BTBD9: variants seen among roughly 807,000 people sequenced by gnomAD.
BTBD9 encodes the protein BTB domain containing 9, also known as BTB/POZ domain-containing protein 9.
BTBD9 carries 49 observed loss-of-function variants against 64.3 expected under a neutral mutation model. The observed-to-expected ratio is 0.76, with a 90% confidence interval of 0.61 to 0.97. BTBD9 has a LOEUF of 0.97. Among genes scored for constraint, BTBD9 ranks in the 50% least tolerant of loss-of-function variants. The probability of loss-of-function intolerance (pLI) is 0.00; values close to 1 mark genes in which losing one functional copy is unlikely to be tolerated. For missense variants in BTBD9, 598 were observed against 762.1 expected, an observed-to-expected ratio of 0.78 and a Z score of 2.53; for synonymous variants, 260 against 274.7, an observed-to-expected ratio of 0.95 and a Z score of 0.53.
At chr6:38,394,493 G>C (rs1268333340) in intron 6 of BTBD9, among the ~76,000 whole-genome samples, 1 of 152,088 alleles carries the variant, frequency 6.6e-6, no homozygotes, top group African/African-American at 2.4e-5. Context: ...TGCCAGAGGG[G>C]CTAAAAAGAA....
At chr6:38,566,215 A>G (rs1394601653) in intron 6 of BTBD9, among the ~76,000 whole-genome samples, 1 of 152,256 alleles carries the variant, frequency 6.6e-6, no homozygotes, top group African/African-American at 2.4e-5. Flanking sequence ...TACACATAGA[A>G]GGCTAAAAGA....
intron 6 of BTBD9, among the ~76,000 whole-genome samples, chr6:38,457,344 C>T (rs567622262): frequency 6.6e-6 from 1 of 152,318 alleles, no homozygotes; most frequent in East Asian, 1.9e-4. Flanking sequence ...AGTTAGAAGG[C>T]TCCCACAGTC....
rs1765249379 is a variant in BTBD9 at position 38,273,091 on chromosome 6, G to C, written c.1454+15181C>G. Among the ~76,000 whole-genome samples the C allele has an allele frequency of 2.6e-5, 4 of 152,154 alleles. No individual in the cohort carries two copies. The South Asian group carries it at 6.2e-4, about 24-fold the overall frequency. ...AAAACCCTAATGCAAAGGGTGTATA[G>C]GACATGGAGCACTCCCTGTTCCCAA... On this transcript the variant is annotated intron_variant, in intron 8 of 10. Transcript: ENST00000481247.
chr6:38,588,291 C>G, intron 4 of BTBD9: 1 of 1,122,644 alleles, frequency 8.9e-7, no homozygotes, highest in Non-Finnish European at 1.4e-6. Context: ...CCACACAGTA[C>G]CAGGCAAGCA....
At chr6:38,624,292 G>T (rs959759546) in intron 1 of BTBD9, among the ~76,000 whole-genome samples, 2 of 152,216 alleles carry the variant, frequency 1.3e-5, no homozygotes, top group African/African-American at 4.8e-5. Context: ...CCAGCCAGCA[G>T]CTGCAACCTG....
intron 6 of BTBD9, among the ~76,000 whole-genome samples, chr6:38,347,895 G>A (rs1377925868): frequency 6.6e-6 from 1 of 152,198 alleles, no homozygotes; most frequent in Non-Finnish European, 1.5e-5. Context: ...TACTTGGGTG[G>A]CTGAGGCAGG....
intron 6 of BTBD9, among the ~76,000 whole-genome samples, chr6:38,437,685 G>C (rs112180150): frequency 5.3e-4 from 80 of 152,254 alleles, no homozygotes; most frequent in African/African-American, 1.6e-3. Context: ...TTTCTGCTTA[G>C]TACAGAGTTC....
At chr6:38,621,986 G>C (rs921324741) in intron 1 of BTBD9, among the ~76,000 whole-genome samples, 1 of 152,188 alleles carries the variant, frequency 6.6e-6, no homozygotes, top group Non-Finnish European at 1.5e-5. Context: ...TTCTCCCCCT[G>C]GGGTGGTTAA....
chr6:38,254,475 C>CAAAA (rs566844594), intron 9 of BTBD9, among the ~76,000 whole-genome samples: 7 of 149,774 alleles, frequency 4.7e-5, no homozygotes, highest in South Asian at 2.1e-4. Flanking sequence ...AACAAACAAA[C>CAAAA]AAAAAAAAAC....
intron 7 of BTBD9, among the ~76,000 whole-genome samples, chr6:38,333,880 G>C (rs1763777471): frequency 6.6e-6 from 1 of 152,202 alleles, no homozygotes; most frequent in Non-Finnish European, 1.5e-5. Context: ...TTTGGAACTG[G>C]GTAATAGGTA....
intron 6 of BTBD9, among the ~76,000 whole-genome samples, chr6:38,426,000 A>G (rs1373924474): frequency 6.6e-6 from 1 of 151,704 alleles, no homozygotes; most frequent in Non-Finnish European, 1.5e-5. Context: ...AAGCAAGCCC[A>G]ACCAGAAGCT....
intron 6 of BTBD9, among the ~76,000 whole-genome samples, chr6:38,438,260 A>AAAGAAGGT: frequency 6.6e-6 from 1 of 150,738 alleles, no homozygotes; most frequent in Non-Finnish European, 1.5e-5. Context: ...GGAAGGAAGG[A>AAAGAAGGT]AGGAACAGAC....
intron 7 of BTBD9, among the ~76,000 whole-genome samples, chr6:38,290,724 GTACATA>G (rs1761923583): frequency 6.6e-6 from 1 of 152,110 alleles, no homozygotes; most frequent in Non-Finnish European, 1.5e-5. Context: ...ATGTCACTTT[GTACATA>G]TTTCATTGTC....
intron 6 of BTBD9, among the ~76,000 whole-genome samples, chr6:38,528,155 T>C (rs1773596364): frequency 6.6e-6 from 1 of 152,054 alleles, no homozygotes; most frequent in South Asian, 2.1e-4. Flanking sequence ...GCATTGGAAC[T>C]CAGTGCTATT....
intron 1 of BTBD9, among the ~76,000 whole-genome samples, chr6:38,618,340 T>G (rs981750217): frequency 7.2e-5 from 11 of 152,226 alleles, no homozygotes; most frequent in African/African-American, 2.7e-4. Flanking sequence ...AGCTTGACCT[T>G]TTCTGTAAGA....
At chr6:38,192,480 T>G (rs1180668024) in intron 10 of BTBD9, 39 bp downstream of exon 10, 10 of 1,565,748 alleles carry the variant, frequency 6.4e-6, no homozygotes, top group African/African-American at 2.7e-5. Flanking sequence ...CTGTACATCA[T>G]GAAATCTCAT....
chr6:38,284,720 A>G (rs12212983), intron 8 of BTBD9, among the ~76,000 whole-genome samples: 43,007 of 152,062 alleles, frequency 0.28, 7,813 homozygotes, highest in Non-Finnish European at 0.42. Flanking sequence ...GAAATTGTAT[A>G]CAAAATTTAT....
chr6:38,177,596 G>T (rs1761332764), intron 10 of BTBD9, among the ~76,000 whole-genome samples: 1 of 152,230 alleles, frequency 6.6e-6, no homozygotes, highest in African/African-American at 2.4e-5. Flanking sequence ...ACTGGAGGAG[G>T]GATCAGGGCG....
At chr6:38,548,807 G>C (rs1487863456) in intron 6 of BTBD9, among the ~76,000 whole-genome samples, 1 of 152,148 alleles carries the variant, frequency 6.6e-6, no homozygotes, top group African/African-American at 2.4e-5. Context: ...AGGGACAAAA[G>C]TTTGACACAG....
Sources: allele counts gnomAD v4.1 joint callset (sites outside exome capture counted in the v4.1 genomes callset), GRCh38; gene constraint gnomAD v4.1.1; transcripts MANE v1.5; gene names NCBI Gene and HGNC (gene_info 2026-07-23, HGNC 2026-07-21).